The following CPVL variants were observed in gnomAD, a reference collection of about 807,000 sequenced individuals.
The protein encoded by CPVL is carboxypeptidase vitellogenic like.
In CPVL, 51 loss-of-function variants were observed where a neutral mutation model predicts 63.7. The ratio of observed to expected loss-of-function variants is 0.80; its 90% CI spans 0.64 to 1.01. CPVL has a LOEUF of 1.01. Among genes scored for constraint, CPVL ranks in the 50% least tolerant of loss-of-function variants. The probability of loss-of-function intolerance (pLI) is 0.00; values close to 1 mark genes in which losing one functional copy is unlikely to be tolerated. For synonymous variants in CPVL, 195 were observed against 206.0 expected (o/e 0.95, Z 0.46); for missense variants, 530 against 573.1 (o/e 0.92, Z 0.77).
chr7:29,098,603 G>A (rs776973121), intron 3 of CPVL, among the ~76,000 whole-genome samples: 13 of 152,222 alleles, frequency 8.5e-5, no homozygotes, highest in Admixed American at 3.3e-4. Context: ...GGCCTCTGAT[G>A]AGCAGCCTGA....
At chr7:29,118,917 A>C (rs1177888796) in intron 2 of CPVL, among the ~76,000 whole-genome samples, 1 of 152,092 alleles carries the variant, frequency 6.6e-6, no homozygotes, top group African/African-American at 2.4e-5. Context: ...CCTGTCTCTC[A>C]CCTTCTTAAA....
Position 29,146,482 on chromosome 7 carries a change from T to G in CPVL, c.-64A>C. 1 of 1,430,738 alleles carries G rather than the reference T, an allele frequency of 7.0e-7. No homozygotes were observed. The highest frequency in any genetic ancestry group is 9.2e-7 in the Non-Finnish European group (1 of 1,086,410). 88.6% of individuals were successfully genotyped at this position (1,430,738 alleles called of 1,614,324 possible). A position where few individuals can be genotyped will look rare whatever the true frequency, so the allele number is the denominator to read the frequency against. On this transcript the variant is annotated 5_prime_UTR_variant, in exon 1 of 13. Coordinates refer to ENST00000265394, the MANE Select transcript of CPVL (RefSeq NM_031311.5). ...CGCGGCGCGCAAGGACCCCAGCCGG[T>G]TGTCCTTGCAGCGCTTCCCAAATCA...
At chr7:29,049,422 G>A (rs1388878723) in intron 11 of CPVL, among the ~76,000 whole-genome samples, 1 of 151,920 alleles carries the variant, frequency 6.6e-6, no homozygotes, top group East Asian at 1.9e-4. Flanking sequence ...TAGAAGAGAT[G>A]GATAAAATCC....
At chr7:29,008,793 G>A (rs751741005) in intron 12 of CPVL, 8 of 152,096 alleles carry the variant, frequency 5.3e-5, no homozygotes, top group Non-Finnish European at 1.0e-4. Context: ...TCATTTTCTG[G>A]TAAGACTCAC....
chr7:29,072,237 A>G (rs1358674549), intron 8 of CPVL, 64 bp downstream of exon 8: 18 of 1,570,222 alleles, frequency 1.1e-5, no homozygotes, highest in African/African-American at 1.4e-5. Flanking sequence ...GGAGCCTTCC[A>G]TCTGATAAAA....
At chr7:29,090,996 A>G (rs1400582942) in intron 6 of CPVL, among the ~76,000 whole-genome samples, 1 of 152,196 alleles carries the variant, frequency 6.6e-6, no homozygotes, top group Non-Finnish European at 1.5e-5. Flanking sequence ...CCATCTGGAG[A>G]GCTGGAGAGA....
chr7:29,069,746 G>A (rs913696046), intron 9 of CPVL, among the ~76,000 whole-genome samples: 9 of 150,458 alleles, frequency 6.0e-5, no homozygotes, highest in Non-Finnish European at 1.0e-4. Context: ...CCTGGGGCTC[G>A]GCATCCTCTC....
chr7:29,094,805 A>C (rs1786228157), intron 5 of CPVL, among the ~76,000 whole-genome samples: 1 of 152,050 alleles, frequency 6.6e-6, no homozygotes, highest in Non-Finnish European at 1.5e-5. Context: ...CGGAGGTTGC[A>C]GTGAGCTGCC....
intron 3 of CPVL, among the ~76,000 whole-genome samples, chr7:29,107,798 G>A (rs1052967539): frequency 2.6e-5 from 4 of 152,178 alleles, no homozygotes; most frequent in Admixed American, 6.5e-5. Context: ...CACATTAACT[G>A]TGTTACTGGA....
intron 12 of CPVL, among the ~76,000 whole-genome samples, chr7:29,018,423 A>G (rs1786634689): frequency 7.1e-6 from 1 of 140,788 alleles, no homozygotes; most frequent in African/African-American, 2.7e-5. Context: ...CTGTTGCCCA[A>G]TCTGGAGTGC....
chr7:29,182,691 A>G (rs1483854522), intron 4 of CPVL, among the ~76,000 whole-genome samples: 1 of 152,246 alleles, frequency 6.6e-6, no homozygotes, highest in Non-Finnish European at 1.5e-5. Context: ...CAAGATTGTT[A>G]GCATTCAGCA....
chr7:29,193,629 G>A (rs1167720621), intron 1 of CPVL: 2 of 152,178 alleles, frequency 1.3e-5, no homozygotes, highest in Non-Finnish European at 2.9e-5. Flanking sequence ...AAAAAAATCT[G>A]CATGGTATTT....
intron 5 of CPVL, among the ~76,000 whole-genome samples, chr7:29,179,238 A>G (rs1797763984): frequency 6.6e-6 from 1 of 152,224 alleles, no homozygotes; most frequent in South Asian, 2.1e-4. Context: ...CCCCTCACAC[A>G]GCACTGCATG....
At chr7:29,073,116 T>C (rs1783907332) in intron 7 of CPVL, among the ~76,000 whole-genome samples, 1 of 152,210 alleles carries the variant, frequency 6.6e-6, no homozygotes. Context: ...ATATCTCCAC[T>C]TGTATGTCTA....
intron 7 of CPVL, chr7:29,082,648 C>G (rs569446816): frequency 1.3e-5 from 2 of 152,298 alleles, no homozygotes; most frequent in African/African-American, 4.8e-5. Context: ...ATCTCTACCT[C>G]ACATCTTCCT....
At chr7:29,182,641 T>C (rs1436564649) in intron 4 of CPVL, among the ~76,000 whole-genome samples, 1 of 152,186 alleles carries the variant, frequency 6.6e-6, no homozygotes, top group Non-Finnish European at 1.5e-5. Context: ...TTACGTACAC[T>C]CATGTCTAAA....
intron 11 of CPVL, among the ~76,000 whole-genome samples, chr7:29,057,862 T>C (rs1033406379): frequency 1.3e-5 from 2 of 152,206 alleles, no homozygotes; most frequent in Non-Finnish European, 2.9e-5. Context: ...CATCAACCTA[T>C]TTGCCTATTC....
chr7:29,154,345 T>C (rs1284619263), intron 5 of CPVL, among the ~76,000 whole-genome samples: 1 of 152,196 alleles, frequency 6.6e-6, no homozygotes. Context: ...CTCTAGCATG[T>C]CTGTATGAGC....
upstream of CPVL, chr7:29,146,933 G>C: frequency 1.9e-6 from 3 of 1,551,168 alleles, no homozygotes; most frequent in Non-Finnish European, 2.6e-6. Context: ...CACGTTCGCT[G>C]ATGGTCTACA....
Sources: allele counts gnomAD v4.1 joint callset (sites outside exome capture counted in the v4.1 genomes callset), GRCh38; gene constraint gnomAD v4.1.1; transcripts MANE v1.5; gene names NCBI Gene and HGNC (gene_info 2026-07-23, HGNC 2026-07-21).